The following COL4A4 variants were observed in gnomAD, a reference collection of about 807,000 sequenced individuals.
COL4A4 encodes the protein collagen alpha-4(IV) chain.
A neutral mutation model predicts 192.9 loss-of-function variants in COL4A4; 105 were observed. The ratio of observed to expected loss-of-function variants is 0.54; its 90% CI spans 0.46 to 0.64. COL4A4 has a LOEUF of 0.64. COL4A4 is among the 30% of genes least tolerant of loss of function. The pLI, the probability that COL4A4 is intolerant of heterozygous loss-of-function variation, is 0.00. For missense variants in COL4A4, 1,967 were observed against 2,169.3 expected (o/e 0.91, Z 1.85); for synonymous variants, 762 against 769.9 (o/e 0.99, Z 0.17).
the COL4A4 span, among the ~76,000 whole-genome samples, chr2:226,993,603 G>A: frequency 6.6e-6 from 1 of 152,128 alleles, no homozygotes; most frequent in Non-Finnish European, 1.5e-5. Flanking sequence ...CGTTTTTTGG[G>A]GTGTTTATTT....
At chr2:227,133,405 C>T (rs1429162053) in intron 4 of COL4A4, among the ~76,000 whole-genome samples, 1 of 152,220 alleles carries the variant, frequency 6.6e-6, no homozygotes, top group Non-Finnish European at 1.5e-5. Context: ...TTTTCTCATG[C>T]ACGGATGCTG....
intron 1 of COL4A4, among the ~76,000 whole-genome samples, chr2:227,163,120 G>A (rs2064984504): frequency 6.6e-6 from 1 of 152,216 alleles, no homozygotes; most frequent in South Asian, 2.1e-4. Context: ...CCTGAGGATG[G>A]AATTCAGGTG....
intron 41 of COL4A4, among the ~76,000 whole-genome samples, chr2:227,028,423 C>T (rs1189932883): frequency 1.3e-5 from 2 of 152,138 alleles, no homozygotes; most frequent in African/African-American, 2.4e-5. Flanking sequence ...GTTCCTCATA[C>T]GTGATGTTCC....
intron 4 of COL4A4, among the ~76,000 whole-genome samples, chr2:227,122,375 T>C (rs1390583198): frequency 6.6e-6 from 1 of 152,258 alleles, no homozygotes; most frequent in Non-Finnish European, 1.5e-5. Flanking sequence ...AACTTCTTGC[T>C]TCACAAAACA....
At chr2:227,057,097 T>C (rs1489601069) in intron 29 of COL4A4, among the ~76,000 whole-genome samples, 1 of 152,168 alleles carries the variant, frequency 6.6e-6, no homozygotes, top group African/African-American at 2.4e-5. Context: ...CTCAAGCTTG[T>C]GTTTGCAGCA....
At chr2:227,140,550 T>A (rs2063134994) in intron 3 of COL4A4, among the ~76,000 whole-genome samples, 1 of 152,206 alleles carries the variant, frequency 6.6e-6, no homozygotes. Flanking sequence ...TTGTGAACAG[T>A]CTTAGAGTGT....
chr2:227,016,243 C>G (rs1490531311), intron 44 of COL4A4, among the ~76,000 whole-genome samples: 1 of 152,190 alleles, frequency 6.6e-6, no homozygotes, highest in Non-Finnish European at 1.5e-5. Context: ...CCCCAAATGT[C>G]AGCAGCACTG....
At chr2:227,000,680 T>G (rs1960706047), downstream of COL4A4, among the ~76,000 whole-genome samples, 1 of 152,112 alleles carries the variant, frequency 6.6e-6, no homozygotes, top group Non-Finnish European at 1.5e-5. Flanking sequence ...GCAGTTGCCC[T>G]AAATGACTGA....
chr2:227,028,647 A>T (rs919852217), intron 41 of COL4A4, among the ~76,000 whole-genome samples: 6 of 23,706 alleles, frequency 2.5e-4, no homozygotes, highest in East Asian at 2.0e-3. Context: ...AAAGAAATTT[A>T]TTATTATTAT....
intron 37 of COL4A4, among the ~76,000 whole-genome samples, chr2:227,038,972 A>C (rs1286393936): frequency 1.3e-5 from 2 of 152,174 alleles, no homozygotes; most frequent in Non-Finnish European, 2.9e-5. Context: ...GTTTGAAGTG[A>C]AACAGTGTCA....
Position 227,057,455 on chromosome 2 carries a change from C to T in COL4A4, c.2529G>A (p.Gly843=), listed in dbSNP as rs886038229. The T allele has an allele frequency of 6.2e-7, 1 of 1,607,868 alleles. No individual in the cohort carries two copies. The highest frequency in any genetic ancestry group is 2.2e-5 in the East Asian group (1 of 44,806). The change falls in exon 29 of 48, where the codon GGG becomes GGA. Residue 843 remains glycine (G), a synonymous_variant. Coordinates refer to ENST00000396625, the MANE Select transcript of COL4A4 (RefSeq NM_000092.5). ...GACACTTACCTGGGCTACCTGGATA[C>T]CCAGGGAGTCCCGGTTGCCCTGGTA... ...PGIPGQPGLP[G]YPGSPGAPGG...
At chr2:227,120,169 A>G (rs984142019) in intron 5 of COL4A4, among the ~76,000 whole-genome samples, 9 of 152,160 alleles carry the variant, frequency 5.9e-5, no homozygotes, top group Non-Finnish European at 1.2e-4. Flanking sequence ...ATCATTCAAC[A>G]TGCTGTGAAC....
chr2:227,101,582 T>A (rs201284270), intron 16 of COL4A4, 25 bp from the exon 17 acceptor site: 2 of 1,413,940 alleles, frequency 1.4e-6, no homozygotes, highest in Admixed American at 1.8e-5. Context: ...AAACATGCCT[T>A]AAAAAAAAAA....
chr2:227,081,819 T>C (rs1451011578), intron 23 of COL4A4, among the ~76,000 whole-genome samples: 1 of 152,106 alleles, frequency 6.6e-6, no homozygotes, highest in Non-Finnish European at 1.5e-5. Context: ...TAGAATACTG[T>C]AATGTGGTGA....
At chr2:227,104,297 G>A (rs968577789) in intron 12 of COL4A4, 23 of 431,284 alleles carry the variant, frequency 5.3e-5, no homozygotes, top group East Asian at 9.7e-5. Flanking sequence ...AGGGCCAGGC[G>A]CGGTGGCTCA....
chr2:226,989,473 A>G, the COL4A4 span, among the ~76,000 whole-genome samples: 1 of 152,194 alleles, frequency 6.6e-6, no homozygotes, highest in Admixed American at 6.5e-5. Flanking sequence ...CTTGATCTGG[A>G]TATTGGTCTC....
Position 227,032,178 on chromosome 2 carries a change from G to A in COL4A4, c.3676C>T (p.Arg1226Cys), listed in dbSNP as rs769191749. 27 of 1,614,168 alleles carry A rather than the reference G, an allele frequency of 1.7e-5. No homozygotes were observed. In the East Asian group the frequency reaches 2.5e-4, roughly 15 times the overall value. The change falls in exon 39 of 48, where the codon CGT becomes TGT. Residue 1226 changes from arginine (R) to cysteine (C), a missense_variant. Arg to Cys is a radical substitution (Grantham distance 180, BLOSUM62 -3). Transcript: ENST00000396625. ...GSPGISPPGP[R>C]GKKGPPGPPG... ...GGTCCTGGGGGACCTTTCTTTCCAC[G>A]AGGACCTGGAGGAGAGATTCCTGGG... is the stretch of plus-strand genomic sequence containing the variant.
chr2:226,980,573 C>A, the COL4A4 span, among the ~76,000 whole-genome samples: 1 of 152,302 alleles, frequency 6.6e-6, no homozygotes, highest in East Asian at 1.9e-4. Flanking sequence ...TTTATGATGT[C>A]ATCCTGGATG....
chr2:227,021,165 CTGGAGAACACTTTTTAAA>C (rs1559427077), intron 44 of COL4A4, among the ~76,000 whole-genome samples: 2 of 152,160 alleles, frequency 1.3e-5, no homozygotes, highest in East Asian at 1.9e-4. Flanking sequence ...CTGCGCCTGG[CTGGAGAACACTTTTTAAA>C]TGGAGAACAC....
Sources: allele counts gnomAD v4.1 joint callset (sites outside exome capture counted in the v4.1 genomes callset), GRCh38; gene constraint gnomAD v4.1.1; transcripts MANE v1.5; gene names NCBI Gene and HGNC (gene_info 2026-07-23, HGNC 2026-07-21).